The following ESRRG variants were observed in gnomAD, a reference collection of about 807,000 sequenced individuals.
The protein encoded by ESRRG is estrogen-related receptor gamma.
In ESRRG, 13 loss-of-function variants were observed where a neutral mutation model predicts 44.0. The observed-to-expected ratio is 0.30, with a 90% CI of 0.19 to 0.47. ESRRG has a LOEUF of 0.47. Ranked by LOEUF, ESRRG falls within the 20% of genes least tolerant of loss-of-function variation. ESRRG has a pLI of 1.00. For missense variants in ESRRG, 395 were observed against 580.6 expected, an observed-to-expected ratio of 0.68 and a Z score of 3.29; for synonymous variants, 215 against 214.6, an observed-to-expected ratio of 1.00 and a Z score of -0.02.
At chr1:216,822,841 A>T (rs1308937457) in intron 2 of ESRRG, among the ~76,000 whole-genome samples, 2 of 152,222 alleles carry the variant, frequency 1.3e-5, no homozygotes, top group Non-Finnish European at 2.9e-5. Context: ...TTACAGATTG[A>T]TAAGGAAGCC....
intron 1 of ESRRG, among the ~76,000 whole-genome samples, chr1:217,030,199 A>G (rs924680540): frequency 1.3e-4 from 19 of 151,812 alleles, no homozygotes; most frequent in Non-Finnish European, 2.6e-4. Context: ...CATGACCATA[A>G]ACCAAGTGAT....
chr1:216,936,258 G>T (rs1386232287), intron 2 of ESRRG, among the ~76,000 whole-genome samples: 1 of 152,098 alleles, frequency 6.6e-6, no homozygotes, highest in Admixed American at 6.6e-5. Context: ...CTTGTACCAT[G>T]TGTCCAAGAA....
At chr1:216,968,964 G>A (rs933374122) in intron 1 of ESRRG, among the ~76,000 whole-genome samples, 3 of 151,716 alleles carry the variant, frequency 2.0e-5, no homozygotes, top group African/African-American at 7.3e-5. Context: ...TACTTTTTGG[G>A]GTGCTAATGT....
intron 2 of ESRRG, among the ~76,000 whole-genome samples, chr1:216,877,823 A>AT (rs1242001951): frequency 1.1e-4 from 16 of 152,180 alleles, no homozygotes; most frequent in Non-Finnish European, 1.6e-4. Context: ...ATCCATCCAC[A>AT]TTTGCTATGT....
At chr1:216,966,973 C>T (rs2070521765) in intron 1 of ESRRG, among the ~76,000 whole-genome samples, 2 of 152,128 alleles carry the variant, frequency 1.3e-5, no homozygotes, top group African/African-American at 4.8e-5. Context: ...CTCAGCACTC[C>T]AGCCTTGTGT....
chr1:217,072,682 T>A (rs2090712526), intron 1 of ESRRG, among the ~76,000 whole-genome samples: 1 of 148,004 alleles, frequency 6.8e-6, no homozygotes, highest in Admixed American at 6.8e-5. Flanking sequence ...AAGATAGTTT[T>A]ACTATTTTCT....
At chr1:217,088,063 G>A (rs2092192950) in intron 1 of ESRRG, among the ~76,000 whole-genome samples, 2 of 150,622 alleles carry the variant, frequency 1.3e-5, no homozygotes, top group South Asian at 4.2e-4. Flanking sequence ...AAAAAAAAAA[G>A]AGAGAGAACC....
At chr1:216,961,624 C>T (rs1816565) in intron 1 of ESRRG, among the ~76,000 whole-genome samples, 51,181 of 148,742 alleles carry the variant, frequency 0.34, 10,445 homozygotes, top group Non-Finnish European at 0.47. Context: ...ACTTGATACA[C>T]TGTTGATTAA....
At chr1:216,786,585 C>A (rs1307739112) in intron 2 of ESRRG, among the ~76,000 whole-genome samples, 1 of 152,040 alleles carries the variant, frequency 6.6e-6, no homozygotes, top group African/African-American at 2.4e-5. Flanking sequence ...AAATAAGCAT[C>A]AATAAAGCCA....
intron 2 of ESRRG, among the ~76,000 whole-genome samples, chr1:216,861,877 G>A (rs910858423): frequency 2.0e-5 from 3 of 151,976 alleles, no homozygotes; most frequent in Non-Finnish European, 2.9e-5. Context: ...TACAAAAGTA[G>A]GCAGAAGATT....
At chr1:216,774,208 C>A (rs951854756) in intron 2 of ESRRG, among the ~76,000 whole-genome samples, 1 of 152,070 alleles carries the variant, frequency 6.6e-6, no homozygotes, top group Non-Finnish European at 1.5e-5. Flanking sequence ...GGTAATAGAA[C>A]TGGTATTTTG....
At chr1:216,709,636 C>A (rs1018881607) in intron 1 of ESRRG, among the ~76,000 whole-genome samples, 2 of 151,716 alleles carry the variant, frequency 1.3e-5, no homozygotes, top group Non-Finnish European at 1.5e-5. Flanking sequence ...CATACAGACC[C>A]CTTTATTAAC....
chr1:217,091,303 AC>A (rs1298839978), upstream of ESRRG, among the ~76,000 whole-genome samples: 4 of 152,222 alleles, frequency 2.6e-5, no homozygotes, highest in African/African-American at 9.6e-5. Context: ...AAAATTAAGC[AC>A]AAGGAGAGTT....
chr1:216,774,581 G>A (rs571265357), intron 2 of ESRRG, among the ~76,000 whole-genome samples: 3 of 151,900 alleles, frequency 2.0e-5, no homozygotes, highest in Non-Finnish European at 2.9e-5. Flanking sequence ...TTTCCTAAAG[G>A]CACTGTCATG....
In ESRRG at chr1:216,505,446, T is replaced by A. The variant is rs1326448880; in HGVS notation, c.*1493A>T. ...AGAATTTGGTCAGGCATTTTCTGTCTTTGATGATTTTTTTTTTTAATTCTG... is the reference window on the plus strand; with the variant it reads ...AGAATTTGGTCAGGCATTTTCTGTCATTGATGATTTTTTTTTTTAATTCTG... On this transcript the variant is annotated 3_prime_UTR_variant, in exon 7 of 7. Transcript: ENST00000408911. 6.6e-6 allele frequency: 1 copy of A among 152,636 alleles called. No homozygotes were observed. The highest frequency in any genetic ancestry group is 1.9e-4 in the East Asian group (1 of 5,202). The allele number at this position is 152,636 out of a possible 1,614,324, so 9.5% of individuals were successfully genotyped here. A position where few individuals can be genotyped will look rare whatever the true frequency, so the allele number is the denominator to read the frequency against.
intron 2 of ESRRG, among the ~76,000 whole-genome samples, chr1:216,854,472 G>A (rs1427852202): frequency 6.6e-6 from 1 of 150,618 alleles, no homozygotes; most frequent in African/African-American, 2.4e-5. Flanking sequence ...ATTTTTACAC[G>A]CCTTGAAGCA....
intron 2 of ESRRG, among the ~76,000 whole-genome samples, chr1:216,902,921 G>C (rs534227918): frequency 1.4e-4 from 22 of 152,064 alleles, no homozygotes; most frequent in Admixed American, 2.6e-4. Context: ...ACTCCATCCT[G>C]TTTGCACGTT....
chr1:216,645,377 T>C (rs1274430822), intron 3 of ESRRG, among the ~76,000 whole-genome samples: 4 of 152,056 alleles, frequency 2.6e-5, no homozygotes, highest in African/African-American at 7.2e-5. Flanking sequence ...TATAAGTCTC[T>C]TGGTGTCATA....
intron 3 of ESRRG, among the ~76,000 whole-genome samples, chr1:216,640,579 T>A (rs2066207770): frequency 6.6e-6 from 1 of 151,986 alleles, no homozygotes; most frequent in African/African-American, 2.4e-5. Flanking sequence ...TCAGTGTCAG[T>A]TACGGGGACT....
Sources: allele counts gnomAD v4.1 joint callset (sites outside exome capture counted in the v4.1 genomes callset), GRCh38; gene constraint gnomAD v4.1.1; transcripts MANE v1.5; gene names NCBI Gene and HGNC (gene_info 2026-07-23, HGNC 2026-07-21).